The following ABLIM2 variants were observed in gnomAD, a reference collection of about 807,000 sequenced individuals.
ABLIM2 encodes the protein actin binding LIM protein family member 2, also known as actin-binding LIM protein 2.
Under a neutral mutation model 97.7 loss-of-function variants are expected in ABLIM2, and 53 were observed. That is an observed-to-expected ratio of 0.54 (90% CI 0.44 to 0.68). ABLIM2 has a LOEUF of 0.68. Among genes scored for constraint, ABLIM2 ranks in the 30% least tolerant of loss-of-function variants. The pLI is 0.00. For missense variants in ABLIM2, 835 were observed against 867.2 expected (o/e 0.96, Z 0.47); for synonymous variants, 361 against 345.8 (o/e 1.04, Z -0.49).
At position 8,150,695 on chromosome 4, in the gene ABLIM2, T is replaced by G. The variant is rs180903640; in HGVS notation, c.10+7985A>C. Among the ~76,000 whole-genome samples, 1 of 152,272 alleles carries G rather than the reference T, an allele frequency of 6.6e-6. No homozygotes were observed. On this transcript the variant is annotated intron_variant, in intron 1 of 20. Coordinates refer to ENST00000447017, the MANE Select transcript of ABLIM2 (RefSeq NM_001130083.2). This position sits in a 1 kb window ranked among gnomAD's most constrained non-coding sequence, Gnocchi z 6.3. ...AAATGAAGCTTCGAGCTGAGACCGATGACTCAAGACACCACGCCTCCTGAG... is the reference window on the plus strand; with the variant it reads ...AAATGAAGCTTCGAGCTGAGACCGAGGACTCAAGACACCACGCCTCCTGAG...
intron 9 of ABLIM2, among the ~76,000 whole-genome samples, chr4:8,037,340 G>GCGCA (rs1785192311): frequency 1.4e-5 from 2 of 140,972 alleles, no homozygotes; most frequent in South Asian, 2.7e-4. Flanking sequence ...ACACATGCAG[G>GCGCA]CACACACACA....
rs28647844 is a variant in ABLIM2 at position 8,127,340 on chromosome 4, T to C, written c.11-20703A>G. On this transcript the variant is annotated intron_variant, in intron 1 of 20. Coordinates refer to ENST00000447017, the MANE Select transcript of ABLIM2 (RefSeq NM_001130083.2). The surrounding 1 kb of genome is among the most constrained non-coding windows in gnomAD (Gnocchi z 7.3). ...ACCCCACAGTGCTGTCCATAGAGAG[T>C]GTCCCCGAAGCCTGCACCCACTGGC... Among the ~76,000 whole-genome samples, 671 of 152,078 alleles carry C rather than the reference T, an allele frequency of 4.4e-3. 8 individuals are homozygous for C. The highest frequency in any genetic ancestry group is 0.016 in the African/African-American group (651 of 41,494).
chr4:7,973,072 T>G (rs1729421319), intron 20 of ABLIM2, among the ~76,000 whole-genome samples: 1 of 146,850 alleles, frequency 6.8e-6, no homozygotes, highest in Admixed American at 7.0e-5. Flanking sequence ...GCTGCTCCCC[T>G]TGCTGTGTGT....
intron 9 of ABLIM2, among the ~76,000 whole-genome samples, chr4:8,037,410 C>G (rs1057204622): frequency 2.6e-5 from 4 of 151,976 alleles, no homozygotes; most frequent in African/African-American, 9.7e-5. Flanking sequence ...AGAGAACATG[C>G]CTGTCTGAGA....
At chr4:8,119,953 T>A (rs1844552977) in intron 1 of ABLIM2, among the ~76,000 whole-genome samples, 1 of 152,102 alleles carries the variant, frequency 6.6e-6, no homozygotes, top group Non-Finnish European at 1.5e-5. Context: ...GGTGGAGGTG[T>A]CCTACAGCTC....
chr4:8,018,392 G>A lies in ABLIM2; in HGVS notation c.1423+1226C>T, dbSNP rs950447329. On this transcript the variant is annotated intron_variant, in intron 14 of 20. Coordinates refer to ENST00000447017, the MANE Select transcript of ABLIM2 (RefSeq NM_001130083.2). Reference sequence around the variant, plus strand: ...TGGCCAGGCCTCAGTTTCCCCACTTGTAACCCAAGGGAACTGGTCTGGACA... The same window carrying A: ...TGGCCAGGCCTCAGTTTCCCCACTTATAACCCAAGGGAACTGGTCTGGACA... Among the ~76,000 whole-genome samples the A allele has an allele frequency of 5.8e-4, 89 of 152,266 alleles. 1 individual carries two copies. The highest frequency in any genetic ancestry group is 1.9e-3 in the African/African-American group (81 of 41,550).
In ABLIM2 at chr4:8,023,864, A is replaced by G. The variant is rs1775609062; in HGVS notation, c.1268-3561T>C. Among the ~76,000 whole-genome samples, 2 of 152,054 alleles carry G rather than the reference A, an allele frequency of 1.3e-5. No individual in the cohort carries two copies. Among genetic ancestry groups the G allele is most frequent in the South Asian group, 4.3e-4 (2 of 4,690 alleles). On this transcript the variant is annotated intron_variant, in intron 12 of 20. Coordinates refer to ENST00000447017, the MANE Select transcript of ABLIM2 (RefSeq NM_001130083.2). The surrounding 1 kb of genome is among the most constrained non-coding windows in gnomAD (Gnocchi z 5.7). ...ACACATCCTTCATCGTGGTGCTCCC[A>G]GTGGCCCAGTGTGTGCCTGGTGCTG...
At chr4:8,062,329 G>A (rs559258209) in intron 6 of ABLIM2, among the ~76,000 whole-genome samples, 1 of 152,336 alleles carries the variant, frequency 6.6e-6, no homozygotes, top group Non-Finnish European at 1.5e-5. Context: ...CAGGTGCAGG[G>A]ATCTCTCTGG....
chr4:8,118,778 C>G (rs1843920739), intron 1 of ABLIM2, among the ~76,000 whole-genome samples: 1 of 152,224 alleles, frequency 6.6e-6, no homozygotes, highest in African/African-American at 2.4e-5. Context: ...TGGGAAGACC[C>G]TACTTGTCCT....
At chr4:8,129,183 T>G (rs955636821) in intron 1 of ABLIM2, among the ~76,000 whole-genome samples, 6 of 152,192 alleles carry the variant, frequency 3.9e-5, no homozygotes, top group African/African-American at 1.4e-4. Flanking sequence ...TCCCCAAGCT[T>G]TTGACATTTA....
rs1382602351 is a variant in ABLIM2 at position 8,128,533 on chromosome 4, A to C, written c.11-21896T>G. Among the ~76,000 whole-genome samples the C allele has an allele frequency of 6.6e-6, 1 of 152,244 alleles. No individual in the cohort carries two copies. Among genetic ancestry groups the C allele is most frequent in the Non-Finnish European group, 1.5e-5 (1 of 68,048 alleles). On this transcript the variant is annotated intron_variant, in intron 1 of 20. Transcript: ENST00000447017. The surrounding 1 kb of genome is among the most constrained non-coding windows in gnomAD (Gnocchi z 4.9). ...AATTCAACCAGGGGACCTGCTGGTT[A>C]CCAGATGTACTCCCAGGCTCTAAAA... is the stretch of plus-strand genomic sequence containing the variant.
At chr4:7,982,993 G>C (rs531807349) in intron 20 of ABLIM2, among the ~76,000 whole-genome samples, 1 of 152,324 alleles carries the variant, frequency 6.6e-6, no homozygotes, top group African/African-American at 2.4e-5. Context: ...GTGAGCCACT[G>C]TGCCCAGCCC....
At position 8,004,412 on chromosome 4, in the gene ABLIM2, C is replaced by T. The variant is rs570351511; in HGVS notation, c.1618+3647G>A. Among the ~76,000 whole-genome samples, 40 of 152,302 alleles carry T rather than the reference C, an allele frequency of 2.6e-4. No homozygotes were observed. The highest frequency in any genetic ancestry group is 6.8e-3 in the Middle Eastern group (2 of 294). On this transcript the variant is annotated intron_variant, in intron 16 of 20. Transcript: ENST00000447017. This position sits in a 1 kb window ranked among gnomAD's most constrained non-coding sequence, Gnocchi z 5.9. ...AGACCACCCTTGGCTCCCACTATCC[C>T]ACCTCTCACACATGCCTCATGTGCT... is the stretch of plus-strand genomic sequence containing the variant.
Position 8,080,833 on chromosome 4 carries a change from C to T in ABLIM2, c.455-31G>A, listed in dbSNP as rs201501231. 6 of 1,580,734 alleles carry T rather than the reference C, an allele frequency of 3.8e-6. No individual in the cohort carries two copies. In the African/African-American group the frequency reaches 8.1e-5, roughly 21 times the overall value. The stretch of plus-strand genomic sequence containing the variant: ...AGAAAGAGAAGAGAACACAGACACC[C>T]CCACCATTGTGAGAGGTGTTGGGGA... On this transcript the variant is annotated intron_variant, in intron 4 of 20. Coordinates refer to ENST00000447017, the MANE Select transcript of ABLIM2 (RefSeq NM_001130083.2).
intron 17 of ABLIM2, among the ~76,000 whole-genome samples, chr4:7,987,206 G>A (rs543108142): frequency 6.6e-6 from 1 of 151,994 alleles, no homozygotes; most frequent in Admixed American, 6.6e-5. Flanking sequence ...TTAAACTCCT[G>A]GTTTCAAGCT....
intron 8 of ABLIM2, among the ~76,000 whole-genome samples, chr4:8,053,543 C>T (rs1396378435): frequency 6.6e-6 from 1 of 152,126 alleles, no homozygotes; most frequent in South Asian, 2.1e-4. Context: ...CTGTTTGGGC[C>T]CCCTAACACT....
chr4:7,997,916 T>G (rs1276323789), intron 16 of ABLIM2, among the ~76,000 whole-genome samples: 1 of 151,896 alleles, frequency 6.6e-6, no homozygotes, highest in East Asian at 1.9e-4. Flanking sequence ...AGTTTCACTC[T>G]TGTTGCCCAG....
intron 2 of ABLIM2, among the ~76,000 whole-genome samples, chr4:8,101,529 G>A (rs561172075): frequency 1.3e-4 from 20 of 152,332 alleles, no homozygotes; most frequent in South Asian, 6.2e-4. Flanking sequence ...TAGAACAGGC[G>A]GCTATTTATA....
rs1578479669 is a variant in ABLIM2 at position 8,140,028 on chromosome 4, CACTT to C, written c.10+18648_10+18651del. 6.8e-6 allele frequency among the ~76,000 whole-genome samples: 1 copy of C among 146,556 alleles called. No homozygotes were observed. Among genetic ancestry groups the C allele is most frequent in the South Asian group, 2.1e-4 (1 of 4,718 alleles). The stretch of plus-strand genomic sequence containing the variant: ...CAGAAAACCAAACACTACATGTTCT[CACTT>C]ACAAGTGGGAGCTGAACAGTGAGAA... On this transcript the variant is annotated intron_variant, in intron 1 of 20. Transcript: ENST00000447017. The surrounding 1 kb of genome is among the most constrained non-coding windows in gnomAD (Gnocchi z 5.9).
Sources: allele counts gnomAD v4.1 joint callset (sites outside exome capture counted in the v4.1 genomes callset), GRCh38; gene constraint gnomAD v4.1.1; non-coding constraint Gnocchi (gnomAD v3.1); transcripts MANE v1.5; gene names NCBI Gene and HGNC (gene_info 2026-07-23, HGNC 2026-07-21).